The following NME7 variants were observed in gnomAD, a reference collection of about 807,000 sequenced individuals.
The protein encoded by NME7 is nucleoside diphosphate kinase 7.
In NME7, 41 loss-of-function variants were observed where a neutral mutation model predicts 49.1. The observed-to-expected ratio is 0.83, with a 90% CI of 0.65 to 1.08. The LOEUF is 1.08. Among genes scored for constraint, NME7 ranks in the 50% least tolerant of loss-of-function variants. NME7 has a pLI of 0.00. For missense variants in NME7, 423 were observed against 463.4 expected (o/e 0.91, Z 0.80); for synonymous variants, 139 against 150.6 (o/e 0.92, Z 0.56).
intron 3 of NME7, among the ~76,000 whole-genome samples, chr1:169,318,033 G>A (rs917135256): frequency 1.3e-5 from 2 of 152,084 alleles, no homozygotes; most frequent in African/African-American, 4.8e-5. Context: ...ATCAGAGTCC[G>A]GCACCTGCAG....
In NME7 at chr1:169,326,755, C is replaced by T. The variant is rs550681994; in HGVS notation, c.4-2255G>A. On this transcript the variant is annotated intron_variant, in intron 1 of 11. Transcript: ENST00000367811. ...TTACTTCCTAGAGTTAAAAGATGTA[C>T]CTGGAGATATAACAGTGGTACATCT... 1.3e-4 allele frequency among the ~76,000 whole-genome samples: 20 copies of T among 152,238 alleles called. No homozygotes were observed. The South Asian group carries it at 2.5e-3, about 19-fold the overall frequency.
At chr1:169,350,355 C>G (rs1436626099) in intron 1 of NME7, among the ~76,000 whole-genome samples, 2 of 151,994 alleles carry the variant, frequency 1.3e-5, no homozygotes, top group African/African-American at 2.4e-5. Context: ...GAGAGCCAGA[C>G]AGCAGGATAG....
In NME7 at chr1:169,310,001, T is replaced by C. The variant is rs185014515; in HGVS notation, c.358A>G (p.Ile120Val). 713 of 1,602,746 alleles carry C rather than the reference T, an allele frequency of 4.4e-4. 5 individuals carry two copies. The highest frequency in any genetic ancestry group is 4.5e-4 in the Non-Finnish European group (523 of 1,173,496). Reference sequence around the variant, plus strand: ...AGCATCATCATTTTGAGTTTGGTTATAGTAAATCCAGCTTTGTTTATTATT... The same window carrying C: ...AGCATCATCATTTTGAGTTTGGTTACAGTAAATCCAGCTTTGTTTATTATT... The part of the protein sequence containing the change: ...IEIINKAGFT[I>V]TKLKMMMLSR... The change falls in exon 4 of 12, where the codon ATA (isoleucine) becomes GTA (valine). Residue 120 changes from isoleucine (I) to valine (V), a missense_variant. Transcript: ENST00000367811.
intron 7 of NME7, among the ~76,000 whole-genome samples, chr1:169,269,922 T>A (rs929151530): frequency 2.2e-5 from 3 of 133,830 alleles, no homozygotes; most frequent in African/African-American, 5.0e-5. Context: ...TTCCAATTTA[T>A]TTATTTTTCT....
intron 10 of NME7, among the ~76,000 whole-genome samples, chr1:169,178,972 C>T (rs1164605165): frequency 6.6e-6 from 1 of 152,066 alleles, no homozygotes; most frequent in African/African-American, 2.4e-5. Context: ...AGGCATGTGC[C>T]ACCACACCCG....
intron 7 of NME7, among the ~76,000 whole-genome samples, chr1:169,249,687 G>A (rs1032811963): frequency 3.3e-5 from 5 of 151,640 alleles, no homozygotes; most frequent in South Asian, 2.1e-4. Flanking sequence ...TTTTTTATAC[G>A]GGGATGCTGG....
chr1:169,354,975 A>ATATATGTTTATATATAATATAAT (rs1444419643), intron 1 of NME7, among the ~76,000 whole-genome samples: 1 of 47,398 alleles, frequency 2.1e-5, no homozygotes, highest in East Asian at 2.3e-4. Context: ...TAATATAATT[A>ATATATGTTTATATATAATATAAT]TATATGTTTA....
intron 10 of NME7, among the ~76,000 whole-genome samples, chr1:169,203,570 A>G (rs1358274179): frequency 6.6e-6 from 1 of 152,150 alleles, no homozygotes; most frequent in Non-Finnish European, 1.5e-5. Flanking sequence ...ATCAAAAGGT[A>G]AAGCAGAGGA....
rs2420013 is a variant in NME7 at position 169,258,399 on chromosome 1, T to C, written c.755-20712A>G. Among the ~76,000 whole-genome samples, 32 of 68,604 alleles carry C rather than the reference T, an allele frequency of 4.7e-4. 1 individual carries two copies. Among genetic ancestry groups the C allele is most frequent in the African/African-American group, 1.7e-3 (32 of 18,410 alleles). The allele number at this position is 68,604 out of a possible 152,430, so 45.0% of individuals were successfully genotyped here. On this transcript the variant is annotated intron_variant, in intron 7 of 11. Coordinates refer to ENST00000367811, the MANE Select transcript of NME7 (RefSeq NM_013330.5). ...ACATATATATATATATATATATATA[T>C]ATATATACACACACACACACACACA...
intron 2 of NME7, among the ~76,000 whole-genome samples, chr1:169,323,677 C>T (rs531021698): frequency 6.6e-6 from 1 of 152,054 alleles, no homozygotes; most frequent in South Asian, 2.1e-4. Context: ...AGTGAAAGAA[C>T]ACAAAGAAAC....
chr1:169,217,942 C>T (rs1423282475), intron 10 of NME7, among the ~76,000 whole-genome samples: 1 of 152,076 alleles, frequency 6.6e-6, no homozygotes, highest in African/African-American at 2.4e-5. Context: ...CACATTTATA[C>T]TTCCCTTTTC....
intron 1 of NME7, among the ~76,000 whole-genome samples, chr1:169,338,740 G>A (rs1326151550): frequency 6.6e-6 from 1 of 152,162 alleles, no homozygotes; most frequent in Non-Finnish European, 1.5e-5. Context: ...CCCAGCCAAT[G>A]TATATTTCTG....
chr1:169,282,581 C>T (rs1227805665), intron 7 of NME7, among the ~76,000 whole-genome samples: 1 of 152,058 alleles, frequency 6.6e-6, no homozygotes, highest in Non-Finnish European at 1.5e-5. Context: ...CTCTTGTGGG[C>T]ATTTAGAGCT....
intron 1 of NME7, among the ~76,000 whole-genome samples, chr1:169,327,929 G>T (rs1036318231): frequency 2.6e-5 from 4 of 152,154 alleles, no homozygotes; most frequent in Admixed American, 2.0e-4. Context: ...TTAAGCGTAT[G>T]TTACCAAGCA....
intron 1 of NME7, among the ~76,000 whole-genome samples, chr1:169,346,977 C>T (rs1019012710): frequency 6.6e-6 from 1 of 152,158 alleles, no homozygotes; most frequent in East Asian, 1.9e-4. Context: ...GCCCTGTTGA[C>T]ATGGAGCTTA....
chr1:169,252,019 A>T (rs1648647881), intron 7 of NME7, among the ~76,000 whole-genome samples: 2 of 149,508 alleles, frequency 1.3e-5, no homozygotes, highest in African/African-American at 2.5e-5. Context: ...CGCAATAAAC[A>T]TACGTGTGCA....
intron 6 of NME7, among the ~76,000 whole-genome samples, chr1:169,293,205 T>C (rs1259511125): frequency 1.3e-5 from 2 of 150,832 alleles, no homozygotes; most frequent in African/African-American, 4.9e-5. Flanking sequence ...CTGAGGCAAG[T>C]GGATGGCTTG....
rs1651915692 is a variant in NME7, at chr1:169,323,099, A to G, written c.278+18T>C. 6.5e-7 allele frequency: 1 copy of G among 1,527,300 alleles called. No homozygotes were observed. Among genetic ancestry groups the G allele is most frequent in the African/African-American group, 1.4e-5 (1 of 71,064 alleles). The allele number at this position is 1,527,300 out of a possible 1,614,324, so 94.6% of individuals were successfully genotyped here. On this transcript the variant is annotated intron_variant, in intron 3 of 11. Coordinates refer to ENST00000367811, the MANE Select transcript of NME7 (RefSeq NM_013330.5). ...CAAAGTTAGAGCATGTAAAAAGATT[A>G]TATAATTGTTTTCTTACTTTTCTTT...
chr1:169,238,720 T>C (rs1398092525), intron 7 of NME7, among the ~76,000 whole-genome samples: 2 of 151,980 alleles, frequency 1.3e-5, no homozygotes, highest in Non-Finnish European at 1.5e-5. Context: ...AATGATATCA[T>C]AGCATGCTGT....
Sources: allele counts gnomAD v4.1 joint callset (sites outside exome capture counted in the v4.1 genomes callset), GRCh38; gene constraint gnomAD v4.1.1; transcripts MANE v1.5; gene names NCBI Gene and HGNC (gene_info 2026-07-23, HGNC 2026-07-21).